The following ROR2 variants were observed in gnomAD, a reference collection of about 807,000 sequenced individuals.
The protein encoded by ROR2 is tyrosine-protein kinase transmembrane receptor ROR2.
In ROR2, 33 loss-of-function variants were observed where a neutral mutation model predicts 74.9. The ratio of observed to expected loss-of-function variants is 0.44; its 90% CI spans 0.33 to 0.59. ROR2 has a LOEUF of 0.59. Among genes scored for constraint, ROR2 ranks in the 20% least tolerant of loss-of-function variants. The pLI, the probability that ROR2 is intolerant of heterozygous loss-of-function variation, is 0.02. For synonymous variants in ROR2, 586 were observed against 558.7 expected (o/e 1.05, Z -0.69); for missense variants, 1,216 against 1,313.8 (o/e 0.93, Z 1.15).
At chr9:91,921,369 C>CGT (rs1394943958) in intron 1 of ROR2, among the ~76,000 whole-genome samples, 15 of 152,266 alleles carry the variant, frequency 9.9e-5, no homozygotes, top group African/African-American at 3.6e-4. Flanking sequence ...AATATATACA[C>CGT]GTATACACAC....
intron 1 of ROR2, among the ~76,000 whole-genome samples, chr9:91,828,899 T>C (rs1254475417): frequency 6.6e-6 from 1 of 152,226 alleles, no homozygotes; most frequent in Non-Finnish European, 1.5e-5. Context: ...ATTACATCAT[T>C]AATGTTTGCT....
chr9:91,766,634 C>G (rs1046532953), intron 2 of ROR2, among the ~76,000 whole-genome samples: 1 of 152,190 alleles, frequency 6.6e-6, no homozygotes, highest in African/African-American at 2.4e-5. Flanking sequence ...CATTTAGCCT[C>G]TCTTGGCTTC....
In ROR2 at chr9:91,726,642, G is replaced by A. The variant is rs772321377; in HGVS notation, c.1285C>T (p.Arg429Trp). 6.2e-5 allele frequency: 100 copies of A among 1,613,954 alleles called. No homozygotes were observed. The highest frequency in any genetic ancestry group is 2.6e-4 in the South Asian group (24 of 91,068). ...ACLFFLVCMC[R>W]NKQKASASTP... ...GACGCAGATGCCTTCTGCTTATTCC[G>A]GCACATGCAAACCAAGAAGAAAAGG... The change falls in exon 8 of 9, where the codon CGG (arginine) becomes TGG (tryptophan). Residue 429 changes from arginine to tryptophan, a missense_variant. Arg to Trp is a moderately radical substitution (Grantham distance 101). Coordinates refer to ENST00000375708, the MANE Select transcript of ROR2 (RefSeq NM_004560.4).
chr9:91,840,614 C>T (rs1235068222), intron 1 of ROR2, among the ~76,000 whole-genome samples: 1 of 152,260 alleles, frequency 6.6e-6, no homozygotes, highest in African/African-American at 2.4e-5. Flanking sequence ...GGCCCTACAA[C>T]AGCACCGCCC....
intron 2 of ROR2, among the ~76,000 whole-genome samples, chr9:91,771,080 G>A (rs981564128): frequency 6.6e-6 from 1 of 152,164 alleles, no homozygotes; most frequent in African/African-American, 2.4e-5. Context: ...AGTAACCCAG[G>A]CACTGGTTTC....
chr9:91,796,959 A>G lies in ROR2; in HGVS notation c.98-21141T>C, dbSNP rs1332299982. On this transcript the variant is annotated intron_variant, in intron 1 of 8. Transcript: ENST00000375708. ...GGCTGACACCCTGGGATCTGTGGAT[A>G]GGGCTGACACCCTGGGCTCTGTGGG... 8.7e-4 allele frequency among the ~76,000 whole-genome samples: 16 copies of G among 18,320 alleles called. 2 individuals are homozygous for G. Among genetic ancestry groups the G allele is most frequent in the African/African-American group, 3.2e-3 (11 of 3,422 alleles). The allele number at this position is 18,320 out of a possible 152,430, so 12.0% of individuals were successfully genotyped here. A position where few individuals can be genotyped will look rare whatever the true frequency, so the allele number is the denominator to read the frequency against.
intron 4 of ROR2, among the ~76,000 whole-genome samples, chr9:91,751,558 AC>A (rs1281029694): frequency 2.0e-5 from 3 of 152,186 alleles, no homozygotes; most frequent in African/African-American, 4.8e-5. Context: ...AACCTATATA[AC>A]CTTAAAATAC....
chr9:91,934,497 G>A (rs7034006), intron 1 of ROR2, among the ~76,000 whole-genome samples: 35,531 of 149,972 alleles, frequency 0.24, 4,518 homozygotes, highest in Non-Finnish European at 0.28. Context: ...GCACACAGCA[G>A]GCCTTAGTTT....
intron 1 of ROR2, among the ~76,000 whole-genome samples, chr9:91,867,230 A>G (rs956397450): frequency 1.3e-5 from 2 of 152,226 alleles, no homozygotes; most frequent in Admixed American, 6.5e-5. Context: ...CAGGGTGAAG[A>G]TAAGTATATC....
In ROR2 at chr9:91,857,443, G is replaced by A. The variant is rs376740745; in HGVS notation, c.98-81625C>T. 8.9e-4 allele frequency among the ~76,000 whole-genome samples: 136 copies of A among 152,280 alleles called. 2 individuals carry two copies. Among genetic ancestry groups the A allele is most frequent in the African/African-American group, 3.1e-3 (129 of 41,560 alleles). On this transcript the variant is annotated intron_variant, in intron 1 of 8. Transcript: ENST00000375708. ...CAGCCTTGCCTTTATGAGCAACTGC[G>A]ACCAGCATGAGGAACTGAGTCAACT...
In ROR2 at chr9:91,832,943, G is replaced by A. The variant is rs577464795; in HGVS notation, c.98-57125C>T. ...AGAGATGCCAAGAGAAGACGCTGCA[G>A]TGCCAGACCTGAGCCCTGCCCAGGT... On this transcript the variant is annotated intron_variant, in intron 1 of 8. Coordinates refer to ENST00000375708, the MANE Select transcript of ROR2 (RefSeq NM_004560.4). 4.6e-5 allele frequency among the ~76,000 whole-genome samples: 7 copies of A among 152,288 alleles called. 1 individual carries two copies. Among genetic ancestry groups the A allele is most frequent in the African/African-American group, 1.7e-4 (7 of 41,568 alleles).
chr9:91,787,449 G>T (rs1219857564), intron 1 of ROR2, among the ~76,000 whole-genome samples: 1 of 152,146 alleles, frequency 6.6e-6, no homozygotes. Context: ...AGGCTGCAGT[G>T]AGCAGAGATC....
chr9:91,847,901 C>T (rs1399268512), intron 1 of ROR2, among the ~76,000 whole-genome samples: 1 of 152,192 alleles, frequency 6.6e-6, no homozygotes, highest in Non-Finnish European at 1.5e-5. Flanking sequence ...GATGCAGGAG[C>T]CAGCTTCAGC....
chr9:91,788,443 G>A (rs183241955), intron 1 of ROR2, among the ~76,000 whole-genome samples: 2,743 of 152,122 alleles, frequency 0.018, 35 homozygotes, highest in South Asian at 0.03. Context: ...CTTGAAAGCA[G>A]CAGGAGAAGC....
intron 1 of ROR2, among the ~76,000 whole-genome samples, chr9:91,859,710 A>T (rs1214640752): frequency 6.6e-6 from 1 of 152,110 alleles, no homozygotes; most frequent in Non-Finnish European, 1.5e-5. Context: ...CTGTAATCCC[A>T]GCTACTTGAG....
intron 1 of ROR2, among the ~76,000 whole-genome samples, chr9:91,848,272 G>A (rs1828985544): frequency 6.6e-6 from 1 of 152,162 alleles, no homozygotes; most frequent in African/African-American, 2.4e-5. Flanking sequence ...TAACAGTGAA[G>A]CATGGAAATT....
At chr9:91,804,502 C>T (rs560019554) in intron 1 of ROR2, among the ~76,000 whole-genome samples, 14 of 152,338 alleles carry the variant, frequency 9.2e-5, no homozygotes, top group Admixed American at 2.6e-4. Flanking sequence ...CCCCTGCGGC[C>T]GTCCTTGGAG....
intron 1 of ROR2, among the ~76,000 whole-genome samples, chr9:91,817,867 G>A (rs1827998637): frequency 6.6e-6 from 1 of 151,944 alleles, no homozygotes; most frequent in Non-Finnish European, 1.5e-5. Context: ...GGAGGAGAGG[G>A]AGGGGAAGGG....
chr9:91,909,320 C>A (rs758140981), intron 1 of ROR2, among the ~76,000 whole-genome samples: 12 of 151,970 alleles, frequency 7.9e-5, no homozygotes, highest in Non-Finnish European at 2.9e-5. Flanking sequence ...ATTGGAAAAC[C>A]AGGAATGAAG....
Sources: allele counts gnomAD v4.1 joint callset (sites outside exome capture counted in the v4.1 genomes callset), GRCh38; gene constraint gnomAD v4.1.1; transcripts MANE v1.5; gene names NCBI Gene and HGNC (gene_info 2026-07-23, HGNC 2026-07-21).